Variants in PPP1R12B observed in about 807,000 individuals in gnomAD.
The protein encoded by PPP1R12B is myosin phosphatase target subunit 2.
PPP1R12B carries 76 observed loss-of-function variants against 126.1 expected under a neutral mutation model. That is an observed-to-expected ratio of 0.60 (90% CI 0.50 to 0.73). The LOEUF is 0.73. PPP1R12B is among the 30% of genes least tolerant of loss of function. The pLI, the probability that PPP1R12B is intolerant of heterozygous loss-of-function variation, is 0.00. For missense variants in PPP1R12B, 1,052 were observed against 1,205.1 expected, an observed-to-expected ratio of 0.87 and a Z score of 1.88; for synonymous variants, 356 against 434.7, an observed-to-expected ratio of 0.82 and a Z score of 2.25.
At position 202,349,029 on chromosome 1, in the gene PPP1R12B, GCTGT is replaced by G. The variant is rs778559305; in HGVS notation, c.181_184del (p.Val61PhefsTer13). On this transcript the variant is annotated frameshift_variant, in exon 1 of 24. Transcript: ENST00000608999. LOFTEE classifies it high-confidence loss of function. ...CCCCAGGGTCCGCTTCGAGGACGGT[GCTGT>G]CTTTCTGGCCGCCTGCTCTAGCGGG... 6.2e-7 allele frequency: 1 copy of G among 1,612,822 alleles called. No homozygotes were observed. The highest frequency in any genetic ancestry group is 8.5e-7 in the Non-Finnish European group (1 of 1,179,544).
At chr1:202,359,063 C>T (rs138765156) in intron 1 of PPP1R12B, among the ~76,000 whole-genome samples, 7 of 152,070 alleles carry the variant, frequency 4.6e-5, no homozygotes, top group Non-Finnish European at 8.8e-5. Context: ...AAGTGATCAA[C>T]TTATGGCCAA....
chr1:202,377,599 C>T (rs1369323413), intron 1 of PPP1R12B, among the ~76,000 whole-genome samples: 3 of 151,228 alleles, frequency 2.0e-5, no homozygotes, highest in African/African-American at 7.3e-5. Context: ...CCACCGTGCC[C>T]GGCGAGAAGG....
At chr1:202,531,194 C>T (rs1174024823) in intron 18 of PPP1R12B, among the ~76,000 whole-genome samples, 1 of 152,126 alleles carries the variant, frequency 6.6e-6, no homozygotes, top group Non-Finnish European at 1.5e-5. Flanking sequence ...TATTTTTGGC[C>T]CTTCTAAGTA....
intron 18 of PPP1R12B, among the ~76,000 whole-genome samples, chr1:202,546,867 C>A (rs1365390164): frequency 1.3e-5 from 2 of 152,094 alleles, no homozygotes; most frequent in African/African-American, 4.8e-5. Context: ...GAGAGTAAAC[C>A]TCGAGAGGAG....
At chr1:202,413,693 T>A (rs1667691537) in intron 1 of PPP1R12B, among the ~76,000 whole-genome samples, 1 of 152,202 alleles carries the variant, frequency 6.6e-6, no homozygotes, top group African/African-American at 2.4e-5. Context: ...CCTGCTTACA[T>A]GTTAATATAA....
intron 1 of PPP1R12B, among the ~76,000 whole-genome samples, chr1:202,368,329 G>A (rs1162766425): frequency 1.3e-5 from 2 of 152,016 alleles, no homozygotes; most frequent in Non-Finnish European, 2.9e-5. Flanking sequence ...TCCCATTCTC[G>A]CCCTGTGATG....
intron 1 of PPP1R12B, among the ~76,000 whole-genome samples, chr1:202,396,328 ATCT>A (rs1237464028): frequency 6.6e-6 from 1 of 152,122 alleles, no homozygotes; most frequent in Non-Finnish European, 1.5e-5. Context: ...ATGTTACTTA[ATCT>A]TCTAAAAATG....
intron 1 of PPP1R12B, among the ~76,000 whole-genome samples, chr1:202,399,281 T>C (rs2148554105): frequency 6.6e-6 from 1 of 152,286 alleles, no homozygotes. Context: ...AGTGTAGTGG[T>C]GCGTACATGG....
At chr1:202,548,756 C>T (rs1205492758) in intron 18 of PPP1R12B, among the ~76,000 whole-genome samples, 3 of 148,064 alleles carry the variant, frequency 2.0e-5, no homozygotes, top group Non-Finnish European at 3.0e-5. Flanking sequence ...CATGATCATG[C>T]GCTCGCTCAC....
intron 13 of PPP1R12B, among the ~76,000 whole-genome samples, chr1:202,456,826 C>T (rs1173657654): frequency 2.6e-5 from 4 of 152,230 alleles, no homozygotes; most frequent in Non-Finnish European, 4.4e-5. Flanking sequence ...AAATTCAAAA[C>T]CACCTTGAAG....
chr1:202,407,878 T>C (rs544960574), intron 1 of PPP1R12B, among the ~76,000 whole-genome samples: 5 of 152,104 alleles, frequency 3.3e-5, no homozygotes, highest in East Asian at 1.9e-4. Context: ...CAACTGCAGA[T>C]TGAAAATATT....
At chr1:202,525,935 G>A (rs1476643677) in intron 18 of PPP1R12B, among the ~76,000 whole-genome samples, 2 of 152,214 alleles carry the variant, frequency 1.3e-5, no homozygotes, top group African/African-American at 4.8e-5. Context: ...CTGGCCTCAG[G>A]TGATCCGCCT....
In PPP1R12B at chr1:202,584,286, C is replaced by G. The variant is rs1689698347; in HGVS notation, c.*3726C>G. 6.6e-6 allele frequency: 1 copy of G among 152,206 alleles called. No individual in the cohort carries two copies. The highest frequency in any genetic ancestry group is 2.1e-4 in the South Asian group (1 of 4,836). 9.4% of individuals were successfully genotyped at this position (152,206 alleles called of 1,614,324 possible). A position where few individuals can be genotyped will look rare whatever the true frequency, so the allele number is the denominator to read the frequency against. ...CCCCAAGTTTAAGAAGACTTAGATT[C>G]ATTTATTGCTATCTGAGGCCACTAG... is the stretch of plus-strand genomic sequence containing the variant. On this transcript the variant is annotated 3_prime_UTR_variant, in exon 24 of 24. Transcript: ENST00000608999.
At chr1:202,378,375 A>T (rs1661622606) in intron 1 of PPP1R12B, among the ~76,000 whole-genome samples, 1 of 151,182 alleles carries the variant, frequency 6.6e-6, no homozygotes, top group South Asian at 2.1e-4. Flanking sequence ...CTCCTTAAGG[A>T]GTAGTGTAAA....
At chr1:202,538,390 G>C (rs1189617766) in intron 18 of PPP1R12B, among the ~76,000 whole-genome samples, 1 of 152,164 alleles carries the variant, frequency 6.6e-6, no homozygotes. Flanking sequence ...CCCTAATAAA[G>C]GGGTTCTGAT....
chr1:202,360,430 C>T (rs115818369), intron 1 of PPP1R12B, among the ~76,000 whole-genome samples: 60 of 152,186 alleles, frequency 3.9e-4, no homozygotes, highest in African/African-American at 1.3e-3. Context: ...GTAAATTGGC[C>T]GGGTGCAGTG....
chr1:202,411,429 A>G (rs542248140), intron 1 of PPP1R12B, among the ~76,000 whole-genome samples: 1 of 152,068 alleles, frequency 6.6e-6, no homozygotes, highest in Non-Finnish European at 1.5e-5. Context: ...TTAAGAATCC[A>G]TGGAATTCTG....
intron 6 of PPP1R12B, among the ~76,000 whole-genome samples, chr1:202,430,149 A>C (rs2148659322): frequency 6.6e-6 from 1 of 152,316 alleles, no homozygotes; most frequent in East Asian, 1.9e-4. Flanking sequence ...AAGTTGCAAA[A>C]ATAGAGAGTT....
chr1:202,577,087 C>T (rs551647519), intron 23 of PPP1R12B: 2 of 152,346 alleles, frequency 1.3e-5, no homozygotes, highest in African/African-American at 2.4e-5. Flanking sequence ...ATTCTGCTTT[C>T]TGAGCACTGT....
Sources: allele counts gnomAD v4.1 joint callset (sites outside exome capture counted in the v4.1 genomes callset), GRCh38; gene constraint gnomAD v4.1.1; transcripts MANE v1.5; gene names NCBI Gene and HGNC (gene_info 2026-07-23, HGNC 2026-07-21).